The following SYNE1 variants were observed in gnomAD, a reference collection of about 807,000 sequenced individuals.
SYNE1 encodes the protein spectrin repeat containing nuclear envelope protein 1.
Under a neutral mutation model 1,111.0 loss-of-function variants are expected in SYNE1, and 616 were observed. The ratio of observed to expected loss-of-function variants is 0.55; its 90% CI spans 0.52 to 0.59. The LOEUF (loss-of-function observed/expected upper bound fraction) is 0.59. Ranked by LOEUF, SYNE1 falls within the 20% of genes least tolerant of loss-of-function variation. The pLI, the probability that SYNE1 is intolerant of heterozygous loss-of-function variation, is 0.00. For synonymous variants in SYNE1, 3,855 were observed against 3,825.8 expected (o/e 1.01, Z -0.28); for missense variants, 10,006 against 10,417.0 (o/e 0.96, Z 1.72).
At chr6:152,305,059 T>C (rs1449642909) in intron 91 of SYNE1, among the ~76,000 whole-genome samples, 1 of 152,196 alleles carries the variant, frequency 6.6e-6, no homozygotes, top group South Asian at 2.1e-4. Flanking sequence ...CCATTCTCTT[T>C]ATAAAATTTC....
chr6:152,325,703 G>A (rs955068973), intron 80 of SYNE1, among the ~76,000 whole-genome samples: 1 of 152,136 alleles, frequency 6.6e-6, no homozygotes, highest in East Asian at 1.9e-4. Flanking sequence ...TCAACAAAAA[G>A]TATTCACTGA....
rs553595289 is a variant in SYNE1 at position 152,376,183 on chromosome 6, T to C, written c.9324+198A>G. 1.0e-5 allele frequency: 6 copies of C among 582,598 alleles called. No individual in the cohort carries two copies. In the Admixed American group the frequency reaches 1.7e-4, roughly 17 times the overall value. The allele number at this position is 582,598 out of a possible 1,614,324, so 36.1% of individuals were successfully genotyped here. ...TCAGGCTCCTATGAGAATCTGATGC[T>C]ACCGCTGATCTGACAGGAGGTGGAG... On this transcript the variant is annotated intron_variant, in intron 58 of 145. Transcript: ENST00000367255.
intron 71 of SYNE1, 86 bp downstream of exon 71, chr6:152,350,532 C>A (rs2096722838): frequency 1.3e-6 from 2 of 1,584,012 alleles, no homozygotes; most frequent in East Asian, 4.5e-5. Context: ...CGTACCAGGC[C>A]TTAAAATTAC....
In SYNE1 at chr6:152,538,628, G is replaced by GAA. The variant is rs912343260; in HGVS notation, c.129+1330_129+1331dup. 8.1e-3 allele frequency among the ~76,000 whole-genome samples: 1,051 copies of GAA among 129,206 alleles called. 15 individuals are homozygous for GAA. The highest frequency in any genetic ancestry group is 0.027 in the African/African-American group (997 of 36,766). 84.8% of individuals were successfully genotyped at this position (129,206 alleles called of 152,430 possible). A position where few individuals can be genotyped will look rare whatever the true frequency, so the allele number is the denominator to read the frequency against. The stretch of plus-strand genomic sequence containing the variant: ...AAAAAATAATAACTCTTTTCATTTT[G>GAA]AAAAAAAAAAACAAAACCTTTTCCC... On this transcript the variant is annotated intron_variant, in intron 4 of 145. Transcript: ENST00000367255.
intron 3 of SYNE1, among the ~76,000 whole-genome samples, chr6:152,553,776 G>C (rs1431406122): frequency 6.6e-6 from 1 of 152,106 alleles, no homozygotes; most frequent in African/African-American, 2.4e-5. Flanking sequence ...AGGATAACAG[G>C]GAAACAAATT....
intron 139 of SYNE1, 134 bp downstream of exon 139, chr6:152,141,069 A>T (rs111345929): frequency 3.1e-6 from 4 of 1,304,642 alleles, no homozygotes; most frequent in Non-Finnish European, 4.4e-6. Context: ...GGAGACTGTT[A>T]TAACTTGGAA....
intron 6 of SYNE1, among the ~76,000 whole-genome samples, chr6:152,513,275 T>C (rs1357503597): frequency 6.6e-6 from 1 of 152,174 alleles, no homozygotes; most frequent in Non-Finnish European, 1.5e-5. Context: ...CCCAATGTGA[T>C]TGTATTTGGA....
chr6:152,390,460 G>A lies in SYNE1; in HGVS notation c.8005-8C>T, dbSNP rs756463909. 1.9e-6 allele frequency: 3 copies of A among 1,613,788 alleles called. No individual in the cohort carries two copies. The South Asian group carries it at 3.3e-5, about 18-fold the overall frequency. ...TTTCATCAGGAGAATATCCTGGGAA[G>A]GAAGAAAGAATACTCATCAGTAGGC... On this transcript the variant is annotated splice_region_variant and splice_polypyrimidine_tract_variant and intron_variant, in intron 52 of 145. Coordinates refer to ENST00000367255, the MANE Select transcript of SYNE1 (RefSeq NM_182961.4).
chr6:152,210,242 C>A (rs562321503), intron 124 of SYNE1, among the ~76,000 whole-genome samples: 92 of 152,028 alleles, frequency 6.1e-4, no homozygotes, highest in Non-Finnish European at 1.2e-3. Context: ...CCATTTTCAT[C>A]TCTTTGGTGT....
intron 95 of SYNE1, among the ~76,000 whole-genome samples, chr6:152,289,794 G>GT (rs1471391801): frequency 1.3e-5 from 2 of 151,844 alleles, no homozygotes; most frequent in Non-Finnish European, 2.9e-5. Context: ...GCCTGGCTAA[G>GT]TTTTTGTATT....
chr6:152,308,360 G>C, intron 91 of SYNE1, 129 bp downstream of exon 91: 2 of 1,293,484 alleles, frequency 1.5e-6, no homozygotes, highest in Non-Finnish European at 2.2e-6. Flanking sequence ...AGCCAAAGAG[G>C]CCTCTCAAGA....
At position 152,391,427 on chromosome 6, in the gene SYNE1, G is replaced by T; in HGVS notation, c.7854C>A (p.Ser2618Arg). 1 of 1,613,986 alleles carries T rather than the reference G, an allele frequency of 6.2e-7. No homozygotes were observed. Reference sequence around the variant, plus strand: ...CGTGCTCCTGAAGGGCCACCTGGCAGCTCCGGAGTTTCTCTTTGGTCATTC... The same window carrying T: ...CGTGCTCCTGAAGGGCCACCTGGCATCTCCGGAGTTTCTCTTTGGTCATTC... Reference protein sequence around the residue: ...LLRMTKEKLRSCQVALQEHEA... With the variant: ...LLRMTKEKLRRCQVALQEHEA... Residue 2618 changes from serine to arginine, a missense_variant, in exon 52 of 146, where the codon AGC (serine) becomes AGA (arginine). Around this residue, in one of 7 missense-constraint regions of SYNE1, gnomAD observed 4,955 missense variants for 5,017.2 expected, o/e 0.99. Transcript: ENST00000367255.
chr6:152,335,041 C>T (rs1400454416), intron 76 of SYNE1, among the ~76,000 whole-genome samples: 2 of 152,178 alleles, frequency 1.3e-5, no homozygotes, highest in Non-Finnish European at 2.9e-5. Context: ...GCATACACAG[C>T]AAAAAGAAAC....
intron 45 of SYNE1, among the ~76,000 whole-genome samples, chr6:152,406,228 A>G (rs1426382328): frequency 6.6e-6 from 1 of 152,058 alleles, no homozygotes; most frequent in Non-Finnish European, 1.5e-5. Flanking sequence ...CCAATCTCCA[A>G]TTTTCTTCCA....
chr6:152,436,624 A>G (rs2098476682), intron 32 of SYNE1, among the ~76,000 whole-genome samples: 1 of 152,028 alleles, frequency 6.6e-6, no homozygotes, highest in Non-Finnish European at 1.5e-5. Flanking sequence ...TCTATACACA[A>G]CCAGCTATTT....
chr6:152,573,787 AT>A (rs771186032), intron 3 of SYNE1, among the ~76,000 whole-genome samples: 1 of 152,166 alleles, frequency 6.6e-6, no homozygotes. Flanking sequence ...TTTGAAGAAA[AT>A]GATCAAACTA....
intron 28 of SYNE1, among the ~76,000 whole-genome samples, chr6:152,448,871 C>CAA (rs1564098545): frequency 1.4e-4 from 19 of 140,056 alleles, no homozygotes; most frequent in African/African-American, 3.7e-4. Context: ...CAAACAAACA[C>CAA]TCAAAGGACA....
At chr6:152,241,829 G>A (rs1588547567) in intron 107 of SYNE1, among the ~76,000 whole-genome samples, 2 of 152,126 alleles carry the variant, frequency 1.3e-5, no homozygotes, top group African/African-American at 4.8e-5. Context: ...AGGGCAAAGA[G>A]GGTAACTGGG....
At chr6:152,570,820 AC>A (rs1264835774) in intron 3 of SYNE1, among the ~76,000 whole-genome samples, 2 of 152,202 alleles carry the variant, frequency 1.3e-5, no homozygotes, top group African/African-American at 4.8e-5. Context: ...AGTGTACCTC[AC>A]TAAAGAGAAA....
Sources: allele counts gnomAD v4.1 joint callset (sites outside exome capture counted in the v4.1 genomes callset), GRCh38; gene constraint gnomAD v4.1.1; regional missense constraint gnomAD v4.1.1; transcripts MANE v1.5; gene names NCBI Gene and HGNC (gene_info 2026-07-23, HGNC 2026-07-21).